Variants in PGR observed in about 807,000 individuals in gnomAD.
PGR encodes progesterone receptor, also known as nuclear receptor subfamily 3 group C member 3.
A neutral mutation model predicts 76.1 loss-of-function variants in PGR; 25 were observed. The observed-to-expected ratio is 0.33, with a 90% CI of 0.24 to 0.46. PGR has a LOEUF of 0.46. Ranked by LOEUF, PGR falls within the 20% of genes least tolerant of loss-of-function variation. The probability of loss-of-function intolerance (pLI) is 1.00; values close to 1 mark genes in which losing one functional copy is unlikely to be tolerated. For synonymous variants in PGR, 579 were observed against 535.0 expected (o/e 1.08, Z -1.14); for missense variants, 1,172 against 1,225.3 (o/e 0.96, Z 0.65).
chr11:101,090,752 T>C (rs2135455291), intron 3 of PGR, among the ~76,000 whole-genome samples: 1 of 152,344 alleles, frequency 6.6e-6, no homozygotes, highest in Admixed American at 6.5e-5. Context: ...AATTATAAAA[T>C]TCTATAAGTG....
At chr11:101,119,683 T>C (rs1252796260) in intron 2 of PGR, among the ~76,000 whole-genome samples, 4 of 152,130 alleles carry the variant, frequency 2.6e-5, no homozygotes, top group Non-Finnish European at 5.9e-5. Context: ...AGTGGAAATA[T>C]AAACCAAATA....
intron 3 of PGR, among the ~76,000 whole-genome samples, chr11:101,091,260 C>G (rs970717757): frequency 6.6e-6 from 1 of 152,180 alleles, no homozygotes; most frequent in Non-Finnish European, 1.5e-5. Context: ...ATTAATATAA[C>G]TCTTCATCAA....
Position 101,051,457 on chromosome 11 carries a change from A to C in PGR, c.2324T>G (p.Met775Arg), listed in dbSNP as rs764486687. ...WRSYKHVSGQ[M>R]LYFAPDLILN... ...TATTAGATCAGGTGCAAAATACAGC[A>C]TCTGCCCACTGACGTGTTTGTAGGA... The change falls in exon 5 of 8, where the codon ATG becomes AGG. Residue 775 changes from methionine to arginine, a missense_variant. This residue lies in a region of PGR where 166 missense variants were observed against 296.0 expected (regional missense o/e 0.56). Coordinates refer to ENST00000325455, the MANE Select transcript of PGR (RefSeq NM_000926.4). 6.2e-7 allele frequency: 1 copy of C among 1,610,422 alleles called. No homozygotes were observed. Among genetic ancestry groups the C allele is most frequent in the Non-Finnish European group, 8.5e-7 (1 of 1,176,946 alleles).
At position 101,032,825 on chromosome 11, in the gene PGR, G is replaced by A. The variant is rs1048105461; in HGVS notation, c.*6291C>T. On this transcript the variant is annotated 3_prime_UTR_variant, in exon 8 of 8. Coordinates refer to ENST00000325455, the MANE Select transcript of PGR (RefSeq NM_000926.4). Reference sequence around the variant, plus strand: ...TTCCCCATCCAACTCTAAGCTCGGAGAAGACGGGAACACTGGTAATCTCCA... The same window carrying A: ...TTCCCCATCCAACTCTAAGCTCGGAAAAGACGGGAACACTGGTAATCTCCA... 1 of 189,716 alleles carries A rather than the reference G, an allele frequency of 5.3e-6. No homozygotes were observed. Among genetic ancestry groups the A allele is most frequent in the African/African-American group, 2.3e-5 (1 of 43,012 alleles). The allele number at this position is 189,716 out of a possible 1,614,324, so 11.8% of individuals were successfully genotyped here.
intron 3 of PGR, among the ~76,000 whole-genome samples, chr11:101,085,340 G>C (rs1398574087): frequency 6.7e-6 from 1 of 149,158 alleles, no homozygotes. Flanking sequence ...GGATAACTTT[G>C]AGTAAACAAT....
chr11:101,045,670 TG>T (rs1859851024), intron 6 of PGR, among the ~76,000 whole-genome samples: 1 of 105,244 alleles, frequency 9.5e-6, no homozygotes, highest in Non-Finnish European at 2.1e-5. Flanking sequence ...CCATTTTGTG[TG>T]TGTGTGTGTG....
chr11:101,075,123 G>A (rs758961458), intron 3 of PGR, among the ~76,000 whole-genome samples: 18 of 152,132 alleles, frequency 1.2e-4, no homozygotes, highest in Non-Finnish European at 2.1e-4. Flanking sequence ...TACCAAAACA[G>A]ATATATAGAC....
At chr11:101,050,956 A>T (rs747940477) in intron 5 of PGR, 2 of 249,900 alleles carry the variant, frequency 8.0e-6, no homozygotes, top group South Asian at 8.6e-5. Context: ...TACCATGAAA[A>T]GATTCTTATT....
Position 101,127,748 on chromosome 11 carries a change from G to C in PGR, c.1323C>G (p.Ala441=), listed in dbSNP as rs61733409. 403 of 1,554,648 alleles carry C rather than the reference G, an allele frequency of 2.6e-4. 1 individual carries two copies. The African/African-American group carries it at 4.9e-3, about 19-fold the overall frequency. The change falls in exon 1 of 8, where the codon GCC becomes GCG. Residue 441 remains alanine (A), a synonymous_variant. Transcript: ENST00000325455. The stretch of plus-strand genomic sequence containing the variant: ...ACGAGACTGAGGCACTGGCGGGTGC[G>C]GCCGTCACCGCCGCTTCCCCGGGTC... ...PSRPGEAAVT[A]APASASVSSA...
chr11:101,070,184 C>T (rs571453800), intron 3 of PGR, among the ~76,000 whole-genome samples: 1 of 152,122 alleles, frequency 6.6e-6, no homozygotes, highest in Non-Finnish European at 1.5e-5. Flanking sequence ...CGAGCTGAAG[C>T]AGGGTGGGGC....
At chr11:101,087,714 A>T (rs1861540189) in intron 3 of PGR, among the ~76,000 whole-genome samples, 1 of 150,998 alleles carries the variant, frequency 6.6e-6, no homozygotes, top group Non-Finnish European at 1.5e-5. Flanking sequence ...AGAATCTATA[A>T]GGAACTTAAA....
intron 2 of PGR, among the ~76,000 whole-genome samples, chr11:101,118,168 G>A (rs1237668137): frequency 2.0e-5 from 3 of 152,214 alleles, no homozygotes; most frequent in Non-Finnish European, 2.9e-5. Flanking sequence ...ATTGACTCCA[G>A]GAGTGGAGTT....
intron 3 of PGR, among the ~76,000 whole-genome samples, chr11:101,076,170 G>C (rs773993558): frequency 6.6e-6 from 1 of 152,080 alleles, no homozygotes; most frequent in Non-Finnish European, 1.5e-5. Context: ...CCTTTGCAGG[G>C]ACATGGATGA....
chr11:101,071,157 G>A (rs1238590548), intron 3 of PGR, among the ~76,000 whole-genome samples: 1 of 152,132 alleles, frequency 6.6e-6, no homozygotes, highest in African/African-American at 2.4e-5. Flanking sequence ...GTACTGCAGA[G>A]TCCGCTAGTG....
intron 3 of PGR, among the ~76,000 whole-genome samples, chr11:101,076,919 ATTTTT>A (rs59106149): frequency 4.6e-5 from 3 of 65,132 alleles, no homozygotes; most frequent in African/African-American, 1.2e-4. Flanking sequence ...TACAAATGGA[ATTTTT>A]TTTTTTTTTT....
chr11:101,121,497 C>T (rs1862674114), intron 2 of PGR, among the ~76,000 whole-genome samples: 1 of 152,184 alleles, frequency 6.6e-6, no homozygotes. Flanking sequence ...CAAGTATACC[C>T]AACTTTTGAA....
Position 101,039,016 on chromosome 11 carries a change from G to C in PGR, c.*100C>G. 1.2e-6 allele frequency: 1 copy of C among 828,042 alleles called. No homozygotes were observed. The highest frequency in any genetic ancestry group is 2.0e-6 in the Non-Finnish European group (1 of 503,464). 51.3% of individuals were successfully genotyped at this position (828,042 alleles called of 1,614,324 possible). A position where few individuals can be genotyped will look rare whatever the true frequency, so the allele number is the denominator to read the frequency against. ...CACACTATGATGTTATAAATGTAAGGCTTTCAGAAGAACATTATAAAAACT... is the reference window on the plus strand; with the variant it reads ...CACACTATGATGTTATAAATGTAAGCCTTTCAGAAGAACATTATAAAAACT... On this transcript the variant is annotated 3_prime_UTR_variant, in exon 8 of 8. Transcript: ENST00000325455.
At chr11:101,075,958 C>A (rs1861113987) in intron 3 of PGR, among the ~76,000 whole-genome samples, 1 of 152,094 alleles carries the variant, frequency 6.6e-6, no homozygotes, top group Non-Finnish European at 1.5e-5. Flanking sequence ...CCCAGCAATC[C>A]CGTTACTGGG....
At chr11:101,108,941 G>A (rs192918641) in intron 2 of PGR, among the ~76,000 whole-genome samples, 114 of 152,274 alleles carry the variant, frequency 7.5e-4, no homozygotes, top group Non-Finnish European at 1.2e-3. Context: ...TCTCTGTCAC[G>A]TTTTAGTAAT....
Sources: gnomAD v4.1 joint callset for allele counts (sites outside exome capture counted in the v4.1 genomes callset) on GRCh38, gnomAD v4.1.1 for gene constraint, gnomAD v4.1.1 regional missense constraint, MANE v1.5 for transcripts, NCBI Gene and HGNC (gene_info 2026-07-23, HGNC 2026-07-21) for gene names.